The following PLAGL1 variants were observed in gnomAD, a reference collection of about 807,000 sequenced individuals.
PLAGL1 encodes zinc finger protein PLAGL1.
PLAGL1 carries 1 observed loss-of-function variant against 4.6 expected under a neutral mutation model. The ratio of observed to expected loss-of-function variants is 0.22; its 90% CI spans 0.08 to 1.03. PLAGL1 has a LOEUF of 1.03. Among genes scored for constraint, PLAGL1 ranks in the 50% least tolerant of loss-of-function variants. PLAGL1 has a pLI of 0.58. For synonymous variants in PLAGL1, 240 were observed against 237.8 expected, an observed-to-expected ratio of 1.01 and a Z score of -0.08; for missense variants, 464 against 570.4, an observed-to-expected ratio of 0.81 and a Z score of 1.90.
rs540430563 is a variant in PLAGL1, at chr6:144,063,619, T to C, written c.-151+849A>G. Among the ~76,000 whole-genome samples the C allele has an allele frequency of 6.6e-6, 1 of 152,318 alleles. No individual in the cohort carries two copies. Among genetic ancestry groups the C allele is most frequent in the South Asian group, 2.1e-4 (1 of 4,826 alleles). On this transcript the variant is annotated intron_variant, in intron 1 of 3. Transcript: ENST00000437412. The surrounding 1 kb of genome is among the most constrained non-coding windows in gnomAD (Gnocchi z 5.7). ...CACAGATGCTCAATGCCACGACCCT[T>C]GAATAACTGCCATAGTTGTCACTTC...
rs1786274605 is a variant in PLAGL1, at chr6:143,975,346, C to A, written c.-543-6368G>T. Among the ~76,000 whole-genome samples, 1 of 152,106 alleles carries A rather than the reference C, an allele frequency of 6.6e-6. No individual in the cohort carries two copies. Among genetic ancestry groups the A allele is most frequent in the Non-Finnish European group, 1.5e-5 (1 of 68,006 alleles). ...CAGATCTGTATTTAAATTTTAGTGT[C>A]ACTTTGTAATAATTTTATAAATTAA... On this transcript the variant is annotated intron_variant, in intron 2 of 7. Transcript: ENST00000674357. This position sits in a 1 kb window ranked among gnomAD's most constrained non-coding sequence, Gnocchi z 5.8.
chr6:143,946,898 C>G (rs893260588), intron 7 of PLAGL1, among the ~76,000 whole-genome samples: 2 of 152,244 alleles, frequency 1.3e-5, no homozygotes, highest in African/African-American at 4.8e-5. Flanking sequence ...TGCACAGACA[C>G]AACACACACC....
chr6:143,996,631 T>C (rs1791678262), intron 1 of PLAGL1, among the ~76,000 whole-genome samples: 2 of 136,942 alleles, frequency 1.5e-5, no homozygotes, highest in African/African-American at 5.3e-5. Context: ...TTTTTTTTTT[T>C]CTGACTGAAA....
chr6:144,049,478 A>G (rs1798422578), intron 1 of PLAGL1, among the ~76,000 whole-genome samples: 1 of 152,238 alleles, frequency 6.6e-6, no homozygotes, highest in Admixed American at 6.5e-5. Context: ...ACAGTTCTGC[A>G]CGGCTAGGGA....
Position 144,039,011 on chromosome 6 carries a change from T to C in PLAGL1, c.-151+25457A>G, listed in dbSNP as rs1263052067. On this transcript the variant is annotated intron_variant, in intron 1 of 3. Coordinates refer to the PLAGL1 transcript ENST00000437412. The surrounding 1 kb of genome is among the most constrained non-coding windows in gnomAD (Gnocchi z 4.1). ...GAAAACCATGCCAAGAGACACATCA[T>C]AAAAATTGCTGAGAGCCAGTAATAT... 6.6e-6 allele frequency among the ~76,000 whole-genome samples: 1 copy of C among 152,066 alleles called. No homozygotes were observed. Among genetic ancestry groups the C allele is most frequent in the Non-Finnish European group, 1.5e-5 (1 of 68,002 alleles).
At position 143,961,900 on chromosome 6, in the gene PLAGL1, G is replaced by A. The variant is rs529357985; in HGVS notation, c.-398-1358C>T. ...CAGGAAAGGGTGCACATAACGTGAG[G>A]TACGCAAACCAGGCAGTGAAGTAGC... On this transcript the variant is annotated intron_variant, in intron 5 of 7. Coordinates refer to ENST00000674357, the MANE Select transcript of PLAGL1 (RefSeq NM_001317162.2). The surrounding 1 kb of genome is among the most constrained non-coding windows in gnomAD (Gnocchi z 6.5). Among the ~76,000 whole-genome samples the A allele has an allele frequency of 6.6e-6, 1 of 152,324 alleles. No homozygotes were observed. The highest frequency in any genetic ancestry group is 6.5e-5 in the Admixed American group (1 of 15,306).
rs576434213 is a variant in PLAGL1 at position 144,033,047 on chromosome 6, T to C, written c.-151+31421A>G. ...ATTTAGGTCACTTAGCTGAACTCAG[T>C]AGTAGAGCCCAAGTTTCTAGAAGAA... On this transcript the variant is annotated intron_variant, in intron 1 of 3. Transcript: ENST00000437412. Among the ~76,000 whole-genome samples, 9 of 152,296 alleles carry C rather than the reference T, an allele frequency of 5.9e-5. No homozygotes were observed. The East Asian group carries it at 1.7e-3, about 29-fold the overall frequency.
rs75032260 is a variant in PLAGL1, at chr6:143,994,561, T to C, written c.-583-9387A>G. Among the ~76,000 whole-genome samples, 1,448 of 152,304 alleles carry C rather than the reference T, an allele frequency of 9.5e-3. 27 individuals carry two copies. Among genetic ancestry groups the C allele is most frequent in the African/African-American group, 0.031 (1,286 of 41,570 alleles). ...TCAAGTAGGAACGAAATGAAACTAA[T>C]GGCATTATAAATACTACTATTATTC... On this transcript the variant is annotated intron_variant, in intron 1 of 7. Coordinates refer to ENST00000674357, the MANE Select transcript of PLAGL1 (RefSeq NM_001317162.2). This position sits in a 1 kb window ranked among gnomAD's most constrained non-coding sequence, Gnocchi z 4.3.
At chr6:144,054,249 A>G (rs1023356963) in intron 1 of PLAGL1, among the ~76,000 whole-genome samples, 25 of 152,236 alleles carry the variant, frequency 1.6e-4, no homozygotes, top group Admixed American at 1.2e-3. Flanking sequence ...TTTAGTATAC[A>G]TCTTTCCAAA....
chr6:144,036,831 A>G lies in PLAGL1; in HGVS notation c.-151+27637T>C. ...CACTATTTGACTAAACAGGTTTGAA[A>G]TACTCTGGCATAAAATGAAGGCCAT... On this transcript the variant is annotated intron_variant, in intron 1 of 3. Transcript: ENST00000437412. This position sits in a 1 kb window ranked among gnomAD's most constrained non-coding sequence, Gnocchi z 5.1. The G allele has an allele frequency of 3.2e-6, 1 of 311,410 alleles. No homozygotes were observed. 19.3% of individuals were successfully genotyped at this position (311,410 alleles called of 1,614,324 possible).
intron 6 of PLAGL1, among the ~76,000 whole-genome samples, chr6:143,951,789 C>A (rs1008765544): frequency 6.6e-6 from 1 of 152,204 alleles, no homozygotes; most frequent in Non-Finnish European, 1.5e-5. Flanking sequence ...ATGCTTATTT[C>A]ATGAATATCT....
At position 143,971,527 on chromosome 6, in the gene PLAGL1, T is replaced by G. The variant is rs1477377793; in HGVS notation, c.-543-2549A>C. On this transcript the variant is annotated intron_variant, in intron 2 of 7. Coordinates refer to ENST00000674357, the MANE Select transcript of PLAGL1 (RefSeq NM_001317162.2). The surrounding 1 kb of genome is among the most constrained non-coding windows in gnomAD (Gnocchi z 4.7). ...GACAACAATTTCCCACTTCCAGCTC[T>G]GGCTTTAAAAAGAAATAGGTTATAA... Among the ~76,000 whole-genome samples the G allele has an allele frequency of 3.3e-5, 5 of 152,250 alleles. No individual in the cohort carries two copies. Among genetic ancestry groups the G allele is most frequent in the Non-Finnish European group, 7.3e-5 (5 of 68,040 alleles).
At chr6:143,996,927 T>A (rs1476225188) in intron 1 of PLAGL1, among the ~76,000 whole-genome samples, 1 of 152,128 alleles carries the variant, frequency 6.6e-6, no homozygotes, top group African/African-American at 2.4e-5. Context: ...AATGTAAAAA[T>A]AAAATTGATA....
intron 7 of PLAGL1, among the ~76,000 whole-genome samples, chr6:143,946,059 T>A (rs1465789974): frequency 6.6e-6 from 1 of 151,810 alleles, no homozygotes; most frequent in Non-Finnish European, 1.5e-5. Flanking sequence ...GTACTGATTC[T>A]ACCCCTGTCA....
intron 1 of PLAGL1, among the ~76,000 whole-genome samples, chr6:144,057,271 T>C (rs568301337): frequency 6.6e-6 from 1 of 152,388 alleles, no homozygotes; most frequent in African/African-American, 2.4e-5. Flanking sequence ...ACTTTGCACA[T>C]TGCAAATCGT....
At position 144,027,234 on chromosome 6, in the gene PLAGL1, CGAAAGAAAGAAAGAAAGAAA is replaced by C. The variant is rs67928472; in HGVS notation, c.-151+37214_-151+37233del. On this transcript the variant is annotated intron_variant, in intron 1 of 3. Coordinates refer to the PLAGL1 transcript ENST00000437412. This position sits in a 1 kb window ranked among gnomAD's most constrained non-coding sequence, Gnocchi z 5.8. ...GAAAGACCCCAACTCAAAGAACGAA[CGAAAGAAAGAAAGAAAGAAA>C]GAAAGAAAGAAAGAAAGAAAGAAAG... 1.6e-3 allele frequency among the ~76,000 whole-genome samples: 176 copies of C among 111,634 alleles called. 1 individual carries two copies. The highest frequency in any genetic ancestry group is 5.5e-3 in the South Asian group (18 of 3,284). 73.2% of individuals were successfully genotyped at this position (111,634 alleles called of 152,430 possible). A position where few individuals can be genotyped will look rare whatever the true frequency, so the allele number is the denominator to read the frequency against.
Position 143,961,977 on chromosome 6 carries a change from T to C in PLAGL1, c.-398-1435A>G, listed in dbSNP as rs1237299570. Among the ~76,000 whole-genome samples, 1 of 152,174 alleles carries C rather than the reference T, an allele frequency of 6.6e-6. No homozygotes were observed. The highest frequency in any genetic ancestry group is 1.5e-5 in the Non-Finnish European group (1 of 68,028). ...TTATCACAAAAAGAAAGCGATTCCT[T>C]TCTGAATTCAACAATACTCCTTGGC... On this transcript the variant is annotated intron_variant, in intron 5 of 7. Transcript: ENST00000674357. The surrounding 1 kb of genome is among the most constrained non-coding windows in gnomAD (Gnocchi z 6.5).
chr6:144,013,073 AC>A (rs1344211328), upstream of PLAGL1, among the ~76,000 whole-genome samples: 3 of 152,256 alleles, frequency 2.0e-5, no homozygotes, highest in Admixed American at 2.0e-4. This position sits in a 1 kb window ranked among gnomAD's most constrained non-coding sequence, Gnocchi z 4.4. Flanking sequence ...CAGCGTGGTC[AC>A]TGTAGTAGAC....
rs1783515300 is a variant in PLAGL1, at chr6:143,962,170, G to C, written c.-398-1628C>G. 6.6e-6 allele frequency among the ~76,000 whole-genome samples: 1 copy of C among 152,166 alleles called. No individual in the cohort carries two copies. The highest frequency in any genetic ancestry group is 2.4e-5 in the African/African-American group (1 of 41,406). ...GTTAACAATGCAACAGAGAGCCCAA[G>C]GCAGGCCTGGTCTGGGGGGAAAATC... On this transcript the variant is annotated intron_variant, in intron 5 of 7. Transcript: ENST00000674357. This position sits in a 1 kb window ranked among gnomAD's most constrained non-coding sequence, Gnocchi z 5.3.
Sources: gnomAD v4.1 joint callset for allele counts (sites outside exome capture counted in the v4.1 genomes callset) on GRCh38, gnomAD v4.1.1 for gene constraint, Gnocchi (gnomAD v3.1) non-coding constraint, MANE v1.5 for transcripts, NCBI Gene and HGNC (gene_info 2026-07-23, HGNC 2026-07-21) for gene names.